The following TOP2B variants were observed in gnomAD, a reference collection of about 807,000 sequenced individuals.
TOP2B encodes DNA topoisomerase 2-beta.
In TOP2B, 51 loss-of-function variants were observed where a neutral mutation model predicts 193.5. The ratio of observed to expected loss-of-function variants is 0.26; its 90% confidence interval spans 0.21 to 0.33. The LOEUF (loss-of-function observed/expected upper bound fraction) is 0.33. TOP2B is among the 10% of genes least tolerant of loss of function. TOP2B has a pLI of 1.00. For synonymous variants in TOP2B, 634 were observed against 635.7 expected, an observed-to-expected ratio of 1.00 and a Z score of 0.04; for missense variants, 1,378 against 1,909.3, an observed-to-expected ratio of 0.72 and a Z score of 5.19.
chr3:25,604,045 C>T (rs1342528182), intron 33 of TOP2B, among the ~76,000 whole-genome samples: 2 of 152,184 alleles, frequency 1.3e-5, no homozygotes, highest in Admixed American at 6.5e-5. Context: ...GGTTCTACTG[C>T]ATTCAGAATA....
At chr3:25,639,979 TA>T (rs1347678644) in intron 4 of TOP2B, among the ~76,000 whole-genome samples, 6 of 152,164 alleles carry the variant, frequency 3.9e-5, no homozygotes, top group Admixed American at 2.0e-4. Flanking sequence ...ACAAAAATGT[TA>T]AAAAGAATGC....
At chr3:25,649,948 C>G (rs1703534790) in intron 1 of TOP2B, among the ~76,000 whole-genome samples, 1 of 152,170 alleles carries the variant, frequency 6.6e-6, no homozygotes, top group Admixed American at 6.5e-5. Flanking sequence ...GTGATGATAT[C>G]AGCCATTTAG....
chr3:25,636,183 G>T, intron 6 of TOP2B, 35 bp from the exon 7 acceptor site: 1 of 1,324,318 alleles, frequency 7.6e-7, no homozygotes, highest in South Asian at 1.3e-5. Flanking sequence ...TTTCTATAAT[G>T]CTTCCATATC....
chr3:25,613,070 T>C (rs925420427), intron 27 of TOP2B, among the ~76,000 whole-genome samples: 1 of 152,286 alleles, frequency 6.6e-6, no homozygotes, highest in South Asian at 2.1e-4. Context: ...GCAGTTCTGC[T>C]AATAAGTATG....
intron 11 of TOP2B, 82 bp from the exon 12 acceptor site, chr3:25,630,551 T>C: frequency 8.7e-7 from 1 of 1,148,120 alleles, no homozygotes; most frequent in African/African-American, 1.6e-5. Context: ...AAATTAACAT[T>C]AGAATGCTGA....
intron 21 of TOP2B, 112 bp from the exon 22 acceptor site, chr3:25,620,928 A>G (rs1193135990): frequency 6.8e-6 from 8 of 1,168,938 alleles, no homozygotes; most frequent in Non-Finnish European, 8.4e-6. Context: ...CTCATCCTCA[A>G]TTGTCCCTTT....
chr3:25,624,154 T>C, intron 20 of TOP2B, 143 bp downstream of exon 20: 1 of 982,388 alleles, frequency 1.0e-6, no homozygotes, highest in Non-Finnish European at 1.5e-6. Flanking sequence ...ATTCTATTTG[T>C]GGTCAAATAA....
At chr3:25,657,881 G>A (rs1703793329) in intron 1 of TOP2B, among the ~76,000 whole-genome samples, 1 of 146,730 alleles carries the variant, frequency 6.8e-6, no homozygotes, top group Non-Finnish European at 1.5e-5. Context: ...CTAAAACGGT[G>A]AAACCCCGTC....
chr3:25,653,814 A>T (rs191336784), intron 1 of TOP2B, among the ~76,000 whole-genome samples: 2 of 152,358 alleles, frequency 1.3e-5, no homozygotes, highest in Non-Finnish European at 2.9e-5. Context: ...ATGAAAACAA[A>T]TCATTGTACT....
chr3:25,624,918 G>C, intron 18 of TOP2B, 115 bp from the exon 19 acceptor site: 1 of 1,020,526 alleles, frequency 9.8e-7, no homozygotes, highest in South Asian at 1.7e-5. Context: ...ATTGTTACTT[G>C]AGATTCTGTA....
intron 21 of TOP2B, among the ~76,000 whole-genome samples, chr3:25,623,133 G>A (rs1702704823): frequency 6.6e-6 from 1 of 152,100 alleles, no homozygotes; most frequent in Admixed American, 6.5e-5. Flanking sequence ...TTTTACAAAT[G>A]GTACACTAAT....
At chr3:25,618,631 A>G in intron 24 of TOP2B, 23 bp downstream of exon 24, 2 of 1,573,230 alleles carry the variant, frequency 1.3e-6, no homozygotes, top group Non-Finnish European at 1.7e-6. Flanking sequence ...CTAATGTTCA[A>G]ATTTTTAAAG....
intron 5 of TOP2B, 124 bp downstream of exon 5, chr3:25,638,041 A>T: frequency 1.1e-6 from 1 of 914,168 alleles, no homozygotes; most frequent in Non-Finnish European, 1.6e-6. Context: ...TATACATGAT[A>T]GTTTATAAAT....
chr3:25,638,314 TAAAAAAAAAAAAA>T lies in TOP2B; in HGVS notation c.396-17_396-5del, dbSNP rs56986587. 318 of 131,834 alleles carry T rather than the reference TAAAAAAAAAAAAA, an allele frequency of 2.4e-3. No homozygotes were observed. Among genetic ancestry groups the T allele is most frequent in the East Asian group, 0.018 (75 of 4,068 alleles). The allele number at this position is 131,834 out of a possible 1,614,324, so 8.2% of individuals were successfully genotyped here. A position where few individuals can be genotyped will look rare whatever the true frequency, so the allele number is the denominator to read the frequency against. ...AATGCTTATAATGTTAGATTCACTG[TAAAAAAAAAAAAA>T]AAAAAAAAAAAAAAAAAAAAAAAAA... On this transcript the variant is annotated splice_region_variant and splice_polypyrimidine_tract_variant and intron_variant, in intron 4 of 35. Transcript: ENST00000264331.
intron 1 of TOP2B, among the ~76,000 whole-genome samples, chr3:25,656,357 T>G (rs1195716674): frequency 2.0e-5 from 3 of 152,140 alleles, no homozygotes; most frequent in Non-Finnish European, 4.4e-5. Context: ...CCAGCTACTC[T>G]GGAGTCTGAG....
Position 25,623,533 on chromosome 3 carries a change from G to C in TOP2B, c.2709C>G (p.Gly903=). 1 of 1,613,768 alleles carries C rather than the reference G, an allele frequency of 6.2e-7. No homozygotes were observed. The highest frequency in any genetic ancestry group is 8.5e-7 in the Non-Finnish European group (1 of 1,179,752). ...TAATTACCATGGGATGAGGATCCAG[G>C]CCATCTAGCATTCGTCTGACATTGT... ...IVNNVRRMLD[G]LDPHPMLPNY... is the part of the protein sequence containing the mutation. Residue 903 remains glycine (G), a synonymous_variant, in exon 21 of 36, where the codon GGC becomes GGG. Transcript: ENST00000264331.
chr3:25,622,106 ATGTCT>A (rs1209854045), intron 21 of TOP2B, among the ~76,000 whole-genome samples: 1 of 152,188 alleles, frequency 6.6e-6, no homozygotes. Context: ...TGATGCTTTG[ATGTCT>A]TGTCTTGACA....
At chr3:25,645,216 G>T in intron 2 of TOP2B, 84 bp downstream of exon 2, 1 of 1,255,692 alleles carries the variant, frequency 8.0e-7, no homozygotes, top group South Asian at 1.7e-5. Flanking sequence ...TCCAAAGCAA[G>T]TAATTACAAT....
intron 19 of TOP2B, 26 bp downstream of exon 19, chr3:25,624,656 C>T (rs1178581285): frequency 1.2e-6 from 2 of 1,610,680 alleles, no homozygotes; most frequent in Non-Finnish European, 8.5e-7. Flanking sequence ...TTACAGTTCT[C>T]AATTGATTCC....
Sources: allele counts gnomAD v4.1 joint callset (sites outside exome capture counted in the v4.1 genomes callset), GRCh38; gene constraint gnomAD v4.1.1; transcripts MANE v1.5; gene names NCBI Gene and HGNC (gene_info 2026-07-23, HGNC 2026-07-21).